The following UCHL5 variants were observed in gnomAD, a reference collection of about 807,000 sequenced individuals.
The protein encoded by UCHL5 is ubiquitin C-terminal hydrolase L5, also known as ubiquitin carboxyl-terminal hydrolase isozyme L5.
In UCHL5, 34 loss-of-function variants were observed where a neutral mutation model predicts 53.8. The ratio of observed to expected loss-of-function variants is 0.63; its 90% CI spans 0.48 to 0.84. The LOEUF is 0.84. Ranked by LOEUF, UCHL5 falls within the 40% of genes least tolerant of loss-of-function variation. The pLI, the probability that UCHL5 is intolerant of heterozygous loss-of-function variation, is 0.00. For synonymous variants in UCHL5, 111 were observed against 126.3 expected (o/e 0.88, Z 0.81); for missense variants, 290 against 385.6 (o/e 0.75, Z 2.08).
rs191566622 is a variant in UCHL5 at position 193,018,506 on chromosome 1, A to G, written c.943-2111T>C. The G allele has an allele frequency of 1.0e-5, 11 of 1,091,642 alleles. No individual in the cohort carries two copies. The East Asian group carries it at 4.8e-4, about 48-fold the overall frequency. 67.6% of individuals were successfully genotyped at this position (1,091,642 alleles called of 1,614,324 possible). On this transcript the variant is annotated intron_variant, in intron 10 of 10. Coordinates refer to ENST00000367454, the MANE Select transcript of UCHL5 (RefSeq NM_001199261.3). ...TATATTTTTGGATTACCTCCTAGGC[A>G]GTTTTTAAATGTGGTGTGTATTCAA...
intron 1 of UCHL5, among the ~76,000 whole-genome samples, chr1:193,052,153 A>AT (rs1408147580): frequency 6.6e-6 from 1 of 151,598 alleles, no homozygotes; most frequent in Non-Finnish European, 1.5e-5. Context: ...TATTATTATT[A>AT]TTTTTTCTTA....
In UCHL5 at chr1:193,014,275, G is replaced by C. The variant is rs1306190008; in HGVS notation, c.*2076C>G. On this transcript the variant is annotated 3_prime_UTR_variant, in exon 11 of 11. Coordinates refer to ENST00000367454, the MANE Select transcript of UCHL5 (RefSeq NM_001199261.3). ...GAAGTAATCATGAAGTATCACAAGG[G>C]ATTTGCAATCACCAAAGAAGATGCA... The C allele has an allele frequency of 6.6e-6, 1 of 151,858 alleles. No homozygotes were observed. The highest frequency in any genetic ancestry group is 1.5e-5 in the Non-Finnish European group (1 of 67,980). 9.4% of individuals were successfully genotyped at this position (151,858 alleles called of 1,614,324 possible).
At chr1:193,036,866 C>T (rs1663690144) in intron 3 of UCHL5, among the ~76,000 whole-genome samples, 1 of 151,784 alleles carries the variant, frequency 6.6e-6, no homozygotes, top group African/African-American at 2.4e-5. Context: ...GGAAACTACA[C>T]AAACACATAG....
Position 193,013,375 on chromosome 1 carries a change from C to T in UCHL5, c.*2976G>A, listed in dbSNP as rs1654432782. The T allele has an allele frequency of 1.3e-5, 2 of 152,152 alleles. No homozygotes were observed. Among genetic ancestry groups the T allele is most frequent in the Non-Finnish European group, 2.9e-5 (2 of 68,034 alleles). 9.4% of individuals were successfully genotyped at this position (152,152 alleles called of 1,614,324 possible). A position where few individuals can be genotyped will look rare whatever the true frequency, so the allele number is the denominator to read the frequency against. The stretch of plus-strand genomic sequence containing the variant: ...ACTCCCAATATAAATCTGCATTCCT[C>T]TTCAAATAGCTAGAGTGGTTTGTTT... On this transcript the variant is annotated 3_prime_UTR_variant, in exon 11 of 11. Coordinates refer to ENST00000367454, the MANE Select transcript of UCHL5 (RefSeq NM_001199261.3).
chr1:193,043,475 A>C (rs2102721433), intron 3 of UCHL5, among the ~76,000 whole-genome samples: 1 of 152,330 alleles, frequency 6.6e-6, no homozygotes, highest in Non-Finnish European at 1.5e-5. Context: ...GACAAGGTGA[A>C]GTCCCACTTT....
intron 3 of UCHL5, among the ~76,000 whole-genome samples, chr1:193,048,846 T>C (rs1341344049): frequency 6.6e-6 from 1 of 152,238 alleles, no homozygotes; most frequent in Non-Finnish European, 1.5e-5. Context: ...GATGTTAACA[T>C]GTAACAAGTT....
In UCHL5 at chr1:193,015,450, A is replaced by G. The variant is rs1353937787; in HGVS notation, c.*901T>C. On this transcript the variant is annotated 3_prime_UTR_variant, in exon 11 of 11. Coordinates refer to ENST00000367454, the MANE Select transcript of UCHL5 (RefSeq NM_001199261.3). The stretch of plus-strand genomic sequence containing the variant: ...CTCCCAAATCAATTTTTAAAAATCA[A>G]TTGTGAGCAAATTACATATGGCTCT... 6.6e-6 allele frequency: 1 copy of G among 152,198 alleles called. No homozygotes were observed. The highest frequency in any genetic ancestry group is 6.6e-5 in the Admixed American group (1 of 15,264). The allele number at this position is 152,198 out of a possible 1,614,324, so 9.4% of individuals were successfully genotyped here. A position where few individuals can be genotyped will look rare whatever the true frequency, so the allele number is the denominator to read the frequency against.
chr1:193,022,866 C>A, intron 9 of UCHL5, 60 bp downstream of exon 9: 1 of 1,197,134 alleles, frequency 8.4e-7, no homozygotes. Flanking sequence ...AATGTACCTT[C>A]ATCTTGAAAT....
chr1:193,017,035 T>G (rs1276304272), intron 10 of UCHL5, among the ~76,000 whole-genome samples: 4 of 151,814 alleles, frequency 2.6e-5, no homozygotes, highest in African/African-American at 7.2e-5. Context: ...TAGTATACAG[T>G]AAGTCCTCAA....
At chr1:193,049,893 CT>C in intron 2 of UCHL5, 42 bp from the exon 3 acceptor site, 5 of 1,498,286 alleles carry the variant, frequency 3.3e-6, no homozygotes, top group Non-Finnish European at 4.5e-6. Flanking sequence ...AACCCTGCTT[CT>C]TTCATAATAC....
intron 7 of UCHL5, among the ~76,000 whole-genome samples, chr1:193,025,402 A>G (rs1335290302): frequency 6.6e-6 from 1 of 152,226 alleles, no homozygotes; most frequent in African/African-American, 2.4e-5. Flanking sequence ...CATCCCTGCC[A>G]TGTGGTAATG....
intron 10 of UCHL5, 65 bp downstream of exon 10, chr1:193,021,029 TAAA>T (rs770588883): frequency 8.0e-7 from 1 of 1,256,552 alleles, no homozygotes; most frequent in African/African-American, 1.5e-5. Flanking sequence ...AAGCAAAAAA[TAAA>T]AAATACATTT....
intron 3 of UCHL5, among the ~76,000 whole-genome samples, chr1:193,037,492 T>C (rs150407817): frequency 6.6e-6 from 1 of 152,098 alleles, no homozygotes; most frequent in East Asian, 1.9e-4. Flanking sequence ...GAGCCATAAT[T>C]AAAAGTAAAG....
intron 3 of UCHL5, among the ~76,000 whole-genome samples, chr1:193,045,665 A>C (rs1667107909): frequency 6.6e-6 from 1 of 152,196 alleles, no homozygotes; most frequent in African/African-American, 2.4e-5. Context: ...GTATTTCTTT[A>C]TAGCAATGCA....
intron 3 of UCHL5, among the ~76,000 whole-genome samples, chr1:193,037,897 A>AG (rs1030126938): frequency 6.6e-6 from 1 of 151,442 alleles, no homozygotes. Context: ...TATTAAAAAA[A>AG]AAAAAAAAAA....
chr1:193,016,502 C>T lies in UCHL5; in HGVS notation c.943-107G>A, dbSNP rs1018457193. On this transcript the variant is annotated intron_variant, in intron 10 of 10. Transcript: ENST00000367454. The stretch of plus-strand genomic sequence containing the variant: ...TTCTCAAGCTGAAAGGCTTGAAATA[C>T]ATTGTTTATAAGACTTCTAAAGCAT... 1.3e-5 allele frequency: 13 copies of T among 1,017,714 alleles called. No individual in the cohort carries two copies. In the Admixed American group the frequency reaches 1.4e-4, roughly 11 times the overall value. The allele number at this position is 1,017,714 out of a possible 1,614,324, so 63.0% of individuals were successfully genotyped here. A position where few individuals can be genotyped will look rare whatever the true frequency, so the allele number is the denominator to read the frequency against.
chr1:193,024,311 T>C (rs545261614), intron 7 of UCHL5, among the ~76,000 whole-genome samples: 1 of 151,756 alleles, frequency 6.6e-6, no homozygotes, highest in East Asian at 1.9e-4. Context: ...TTGGCTAAAT[T>C]CCATCAATCA....
At chr1:193,027,602 T>C (rs1303632158) in intron 7 of UCHL5, among the ~76,000 whole-genome samples, 1 of 152,068 alleles carries the variant, frequency 6.6e-6, no homozygotes, top group Non-Finnish European at 1.5e-5. Context: ...CGAGAATCGC[T>C]TGAACTCGGG....
intron 3 of UCHL5, among the ~76,000 whole-genome samples, chr1:193,049,087 G>T (rs1255963087): frequency 6.6e-6 from 1 of 151,962 alleles, no homozygotes; most frequent in Non-Finnish European, 1.5e-5. Context: ...TTATAGAGAC[G>T]GGTCTCTTCA....
Sources: gnomAD v4.1 joint callset for allele counts (sites outside exome capture counted in the v4.1 genomes callset) on GRCh38, gnomAD v4.1.1 for gene constraint, MANE v1.5 for transcripts, NCBI Gene and HGNC (gene_info 2026-07-23, HGNC 2026-07-21) for gene names.